Variants in NTNG1 observed in about 807,000 individuals in gnomAD.
The protein encoded by NTNG1 is netrin G1, also known as netrin-G1.
Under a neutral mutation model 54.0 loss-of-function variants are expected in NTNG1, and 16 were observed. The observed-to-expected ratio is 0.30, with a 90% CI of 0.20 to 0.45. The LOEUF (loss-of-function observed/expected upper bound fraction) is 0.45, where lower values mean the gene tolerates loss of function less well. NTNG1 is among the 20% of genes least tolerant of loss of function. The probability of loss-of-function intolerance (pLI) is 1.00; values close to 1 mark genes in which losing one functional copy is unlikely to be tolerated. For missense variants in NTNG1, 530 were observed against 678.7 expected (o/e 0.78, Z 2.43); for synonymous variants, 255 against 263.1 (o/e 0.97, Z 0.30).
chr1:107,303,630 T>C (rs1292098248), intron 2 of NTNG1, among the ~76,000 whole-genome samples: 6 of 152,202 alleles, frequency 3.9e-5, no homozygotes, highest in Non-Finnish European at 8.8e-5. Flanking sequence ...CTTAAACTAC[T>C]ATCCCATTTT....
At position 107,210,835 on chromosome 1, in the gene NTNG1, C is replaced by T. The variant is rs575920976; in HGVS notation, c.246+61996C>T. 8.7e-4 allele frequency among the ~76,000 whole-genome samples: 132 copies of T among 152,268 alleles called. No homozygotes were observed. In the South Asian group the frequency reaches 8.9e-3, roughly 10 times the overall value. On this transcript the variant is annotated intron_variant, in intron 2 of 7. Coordinates refer to ENST00000370068, the MANE Select transcript of NTNG1 (RefSeq NM_001113226.3). ...ACAGATGCTTTCCATGCCACACTCTCTTCTCTAGACAGAGCAGTTCCTTCC... is the reference window on the plus strand; with the variant it reads ...ACAGATGCTTTCCATGCCACACTCTTTTCTCTAGACAGAGCAGTTCCTTCC...
intron 2 of NTNG1, among the ~76,000 whole-genome samples, chr1:107,196,282 C>A (rs192839195): frequency 6.6e-6 from 1 of 152,104 alleles, no homozygotes; most frequent in East Asian, 1.9e-4. Context: ...GGGCAATTTA[C>A]CTAGGCTCTC....
At chr1:107,187,588 G>A (rs1003342639) in intron 2 of NTNG1, among the ~76,000 whole-genome samples, 2 of 152,124 alleles carry the variant, frequency 1.3e-5, no homozygotes, top group Non-Finnish European at 2.9e-5. Flanking sequence ...AACCCTTGTG[G>A]TTTCAGCTCC....
intron 3 of NTNG1, among the ~76,000 whole-genome samples, chr1:107,383,160 C>A (rs1005826817): frequency 3.3e-5 from 5 of 152,120 alleles, no homozygotes; most frequent in African/African-American, 4.8e-5. Context: ...ATGAAATAAT[C>A]TTTTTTTAAG....
chr1:107,375,165 T>C (rs1212739697), intron 3 of NTNG1, among the ~76,000 whole-genome samples: 1 of 152,184 alleles, frequency 6.6e-6, no homozygotes, highest in South Asian at 2.1e-4. Flanking sequence ...ATCTTCAGTG[T>C]TCTTTGTGCA....
intron 7 of NTNG1, among the ~76,000 whole-genome samples, chr1:107,457,620 T>G (rs1012327655): frequency 2.0e-5 from 3 of 152,152 alleles, no homozygotes; most frequent in African/African-American, 7.2e-5. Context: ...CTAGAAAATC[T>G]TATGCATTTT....
chr1:107,446,873 C>T (rs1276994517), intron 7 of NTNG1, among the ~76,000 whole-genome samples: 3 of 152,062 alleles, frequency 2.0e-5, no homozygotes, highest in Non-Finnish European at 4.4e-5. Flanking sequence ...CCAATATAGG[C>T]ACATACTGTA....
At chr1:107,208,775 G>T (rs895974832) in intron 2 of NTNG1, among the ~76,000 whole-genome samples, 1 of 152,102 alleles carries the variant, frequency 6.6e-6, no homozygotes, top group African/African-American at 2.4e-5. Context: ...AGTTTCTCAG[G>T]AGAGTGGTCT....
intron 7 of NTNG1, among the ~76,000 whole-genome samples, chr1:107,471,111 C>T (rs1677947560): frequency 1.3e-5 from 2 of 152,158 alleles, no homozygotes; most frequent in Admixed American, 1.3e-4. Flanking sequence ...GTGTCACTCT[C>T]ATAACAGGTG....
In NTNG1 at chr1:107,285,271, T is replaced by C. The variant is rs376745235; in HGVS notation, c.247-39011T>C. ...ACCCATGCTAAGGAGGTGCATTTAC[T>C]CTGTTGTGTCTAGCTTTTAAATTTG... is the stretch of plus-strand genomic sequence containing the variant. On this transcript the variant is annotated intron_variant, in intron 2 of 7. Transcript: ENST00000370068. 3.7e-4 allele frequency among the ~76,000 whole-genome samples: 57 copies of C among 152,292 alleles called. No individual in the cohort carries two copies. The East Asian group carries it at 8.5e-3, about 23-fold the overall frequency.
chr1:107,209,648 T>A (rs1437406489), intron 2 of NTNG1, among the ~76,000 whole-genome samples: 2 of 152,198 alleles, frequency 1.3e-5, no homozygotes, highest in African/African-American at 4.8e-5. Flanking sequence ...TGACCTTAGT[T>A]GGGCCAATTG....
At chr1:107,351,251 G>A (rs1227652899) in intron 3 of NTNG1, among the ~76,000 whole-genome samples, 1 of 152,122 alleles carries the variant, frequency 6.6e-6, no homozygotes, top group Non-Finnish European at 1.5e-5. Context: ...GACCCACCTG[G>A]AGATCAATTT....
In NTNG1 at chr1:107,414,657, T is replaced by C. The variant is rs375103854; in HGVS notation, c.1087+6949T>C. On this transcript the variant is annotated intron_variant, in intron 5 of 7. Coordinates refer to ENST00000370068, the MANE Select transcript of NTNG1 (RefSeq NM_001113226.3). ...ACATTATTTTCCTACTTCGAGTCAG[T>C]AACTGTTTATAGTACAGCAATCTGA... Among the ~76,000 whole-genome samples the C allele has an allele frequency of 2.2e-4, 34 of 152,266 alleles. No individual in the cohort carries two copies. The East Asian group carries it at 4.6e-3, about 21-fold the overall frequency.
intron 2 of NTNG1, among the ~76,000 whole-genome samples, chr1:107,238,497 CA>C (rs1661569293): frequency 6.6e-6 from 1 of 152,008 alleles, no homozygotes; most frequent in Non-Finnish European, 1.5e-5. Context: ...TGGGAGGAGC[CA>C]GGGGTAGAAT....
rs567244623 is a variant in NTNG1 at position 107,460,003 on chromosome 1, C to T, written c.1391-20608C>T. Among the ~76,000 whole-genome samples, 19 of 151,774 alleles carry T rather than the reference C, an allele frequency of 1.3e-4. No individual in the cohort carries two copies. In the South Asian group the frequency reaches 3.1e-3, roughly 25 times the overall value. On this transcript the variant is annotated intron_variant, in intron 7 of 7. Coordinates refer to ENST00000370068, the MANE Select transcript of NTNG1 (RefSeq NM_001113226.3). ...GTACAATTGTGGCTCTCTTTTTTTT[C>T]GCCTAATTTCTCACTTTGTTCTTTT...
At position 107,148,398 on chromosome 1, in the gene NTNG1, C is replaced by T. The variant is rs1036395252; in HGVS notation, c.-196C>T. ...CCAAAGTCCTCAATATACCTGAATA[C>T]GCACAATATCTTAACTCTTCATATT... On this transcript the variant is annotated 5_prime_UTR_variant, in exon 2 of 8. The change creates a new upstream start codon in the 5' untranslated region. Coordinates refer to ENST00000370068, the MANE Select transcript of NTNG1 (RefSeq NM_001113226.3). 6.0e-5 allele frequency: 34 copies of T among 565,402 alleles called. 1 individual carries two copies. Among genetic ancestry groups the T allele is most frequent in the South Asian group, 4.3e-4 (19 of 44,586 alleles). 35.0% of individuals were successfully genotyped at this position (565,402 alleles called of 1,614,324 possible). A position where few individuals can be genotyped will look rare whatever the true frequency, so the allele number is the denominator to read the frequency against.
At chr1:107,246,424 AT>A (rs1206972126) in intron 2 of NTNG1, among the ~76,000 whole-genome samples, 14 of 144,756 alleles carry the variant, frequency 9.7e-5, no homozygotes, top group Non-Finnish European at 1.7e-4. Flanking sequence ...AAAAAAAAAA[AT>A]GTCCTTGTGG....
intron 7 of NTNG1, among the ~76,000 whole-genome samples, chr1:107,469,541 G>A (rs1312785091): frequency 1.3e-5 from 2 of 152,042 alleles, no homozygotes; most frequent in African/African-American, 2.4e-5. Flanking sequence ...GGAGTGCAGT[G>A]GCACAATGTC....
At position 107,324,505 on chromosome 1, in the gene NTNG1, C is replaced by G; in HGVS notation, c.470C>G (p.Pro157Arg). 1 of 1,613,752 alleles carries G rather than the reference C, an allele frequency of 6.2e-7. No individual in the cohort carries two copies. The highest frequency in any genetic ancestry group is 8.5e-7 in the Non-Finnish European group (1 of 1,179,842). Residue 157 changes from proline (P) to arginine (R), a missense_variant, in exon 3 of 8, where the codon CCA (proline) becomes CGA (arginine). By Grantham distance (103) the Pro-to-Arg change is moderately radical. Around this residue, in one of 2 missense-constraint regions of NTNG1, gnomAD observed 318 missense variants for 465.1 expected, o/e 0.68. Coordinates refer to ENST00000370068, the MANE Select transcript of NTNG1 (RefSeq NM_001113226.3). ...GTTATTACCTTTGAATCTGGGCGTC[C>G]AGACCAAATGATCCTGGAGAAGTCT... ...NIVITFESGR[P>R]DQMILEKSLD...
Sources: gnomAD v4.1 joint callset for allele counts (sites outside exome capture counted in the v4.1 genomes callset) on GRCh38, gnomAD v4.1.1 for gene constraint, gnomAD v4.1.1 regional missense constraint, MANE v1.5 for transcripts, NCBI Gene and HGNC (gene_info 2026-07-23, HGNC 2026-07-21) for gene names.